The following CSMD1 variants were observed in gnomAD, a reference collection of about 807,000 sequenced individuals.
CSMD1 encodes the protein CUB and sushi domain-containing protein 1.
CSMD1 carries 213 observed loss-of-function variants against 417.5 expected under a neutral mutation model. The observed-to-expected ratio is 0.51, with a 90% CI of 0.46 to 0.57. The LOEUF (loss-of-function observed/expected upper bound fraction) is 0.57, where lower values mean the gene tolerates loss of function less well. Ranked by LOEUF, CSMD1 falls within the 20% of genes least tolerant of loss-of-function variation. The pLI is 0.00. For synonymous variants in CSMD1, 2,862 were observed against 1,736.8 expected (o/e 1.65, Z -16.11); for missense variants, 6,923 against 4,529.7 (o/e 1.53, Z -15.17).
chr8:3,790,872 G>C (rs1343963231), intron 5 of CSMD1, among the ~76,000 whole-genome samples: 1 of 152,150 alleles, frequency 6.6e-6, no homozygotes, highest in African/African-American at 2.4e-5. Context: ...TACTTTTTGA[G>C]ATGGAAACTG....
rs191265548 is a variant in CSMD1, at chr8:3,266,423, T to C, written c.4153+17721A>G. 4.0e-5 allele frequency among the ~76,000 whole-genome samples: 6 copies of C among 151,276 alleles called. No homozygotes were observed. In the East Asian group the frequency reaches 7.9e-4, roughly 20 times the overall value. ...GAGATTGAGACCAGCCTGGCTAACATGGCAAAACCCCATTTCTATGAAAAA... is the reference window on the plus strand; with the variant it reads ...GAGATTGAGACCAGCCTGGCTAACACGGCAAAACCCCATTTCTATGAAAAA... On this transcript the variant is annotated intron_variant, in intron 26 of 69. Coordinates refer to ENST00000635120, the MANE Select transcript of CSMD1 (RefSeq NM_033225.6).
At chr8:4,637,781 C>A (rs1390938072) in intron 1 of CSMD1, among the ~76,000 whole-genome samples, 1 of 151,214 alleles carries the variant, frequency 6.6e-6, no homozygotes, top group Non-Finnish European at 1.5e-5. Flanking sequence ...CGCCATTCTC[C>A]TGCCTCAGCC....
At chr8:3,407,795 C>T in intron 14 of CSMD1, 104 bp downstream of exon 14, 1 of 967,372 alleles carries the variant, frequency 1.0e-6, no homozygotes, top group Non-Finnish European at 1.5e-6. Flanking sequence ...TATAAAACCT[C>T]TGAAGTATCA....
At chr8:4,166,714 C>G (rs1294879434) in intron 3 of CSMD1, among the ~76,000 whole-genome samples, 1 of 152,054 alleles carries the variant, frequency 6.6e-6, no homozygotes, top group Non-Finnish European at 1.5e-5. Context: ...AAGAACATAT[C>G]TATGTAACCC....
chr8:4,144,164 G>C (rs184031723), intron 3 of CSMD1, among the ~76,000 whole-genome samples: 1 of 150,892 alleles, frequency 6.6e-6, no homozygotes, highest in South Asian at 2.1e-4. Context: ...TACAGCTTTG[G>C]GAAGACAGCA....
rs550197496 is a variant in CSMD1 at position 3,803,148 on chromosome 8, C to A, written c.819-49106G>T. ...TTTGAAGGACTTCATTCTAAGTACTCATGTTCTAATCATGCTGAAAGCAAT... is the reference window on the plus strand; with the variant it reads ...TTTGAAGGACTTCATTCTAAGTACTAATGTTCTAATCATGCTGAAAGCAAT... On this transcript the variant is annotated intron_variant, in intron 5 of 69. Coordinates refer to ENST00000635120, the MANE Select transcript of CSMD1 (RefSeq NM_033225.6). Among the ~76,000 whole-genome samples the A allele has an allele frequency of 3.3e-5, 5 of 152,296 alleles. No individual in the cohort carries two copies. The South Asian group carries it at 8.3e-4, about 25-fold the overall frequency.
intron 1 of CSMD1, among the ~76,000 whole-genome samples, chr8:4,819,225 C>A (rs1005927477): frequency 6.6e-6 from 1 of 152,070 alleles, no homozygotes; most frequent in Non-Finnish European, 1.5e-5. Context: ...ACAATTATTA[C>A]AATATTAACT....
At chr8:3,552,040 G>C (rs12056393) in intron 10 of CSMD1, among the ~76,000 whole-genome samples, 13,991 of 152,216 alleles carry the variant, frequency 0.092, 657 homozygotes, top group Middle Eastern at 0.15. Context: ...AAAAAATAGA[G>C]ATTTTGCAGA....
chr8:3,608,672 G>T (rs993145381), intron 8 of CSMD1, among the ~76,000 whole-genome samples: 1 of 151,070 alleles, frequency 6.6e-6, no homozygotes, highest in Non-Finnish European at 1.5e-5. Context: ...GCTGAGGCAG[G>T]AGAATTGCTT....
chr8:3,501,058 TGAAAA>T (rs1416752095), intron 10 of CSMD1, among the ~76,000 whole-genome samples: 3 of 152,116 alleles, frequency 2.0e-5, no homozygotes, highest in Non-Finnish European at 4.4e-5. Context: ...ATAAACAAAA[TGAAAA>T]GATTTCCCAA....
At chr8:4,502,721 A>G (rs1802320013) in intron 2 of CSMD1, among the ~76,000 whole-genome samples, 1 of 152,148 alleles carries the variant, frequency 6.6e-6, no homozygotes, top group South Asian at 2.1e-4. Context: ...CAGTATATTA[A>G]CAGCAGATCT....
At chr8:4,234,955 G>A (rs902906039) in intron 3 of CSMD1, among the ~76,000 whole-genome samples, 64 of 152,120 alleles carry the variant, frequency 4.2e-4, no homozygotes, top group Admixed American at 5.9e-4. Flanking sequence ...TTCTAAGGGC[G>A]GGGTGTTCAT....
At chr8:3,281,753 T>C (rs189978595) in intron 26 of CSMD1, among the ~76,000 whole-genome samples, 111 of 152,308 alleles carry the variant, frequency 7.3e-4, no homozygotes, top group African/African-American at 2.5e-3. Context: ...TTACTACAGA[T>C]GCATTTTTCC....
intron 26 of CSMD1, among the ~76,000 whole-genome samples, chr8:3,283,091 G>C (rs1802861494): frequency 6.6e-6 from 1 of 152,134 alleles, no homozygotes; most frequent in African/African-American, 2.4e-5. Flanking sequence ...ATCTTTAGGA[G>C]ATTATAGTTC....
At chr8:3,719,155 A>C (rs1802004806) in intron 6 of CSMD1, among the ~76,000 whole-genome samples, 2 of 152,140 alleles carry the variant, frequency 1.3e-5, no homozygotes, top group South Asian at 2.1e-4. Context: ...TCTTTTCTAT[A>C]CTTCGTTGCA....
intron 3 of CSMD1, among the ~76,000 whole-genome samples, chr8:4,385,816 A>T (rs1803411634): frequency 6.6e-6 from 1 of 152,154 alleles, no homozygotes; most frequent in African/African-American, 2.4e-5. Context: ...ATAGCTTAAA[A>T]ATTATTTTGT....
chr8:3,422,310 G>T (rs1305845955), intron 12 of CSMD1, among the ~76,000 whole-genome samples: 1 of 152,106 alleles, frequency 6.6e-6, no homozygotes, highest in Non-Finnish European at 1.5e-5. Flanking sequence ...CCAATAATTT[G>T]GGGTTTGTTG....
At chr8:4,922,490 T>A (rs1178012515) in intron 1 of CSMD1, among the ~76,000 whole-genome samples, 1 of 152,250 alleles carries the variant, frequency 6.6e-6, no homozygotes, top group South Asian at 2.1e-4. Flanking sequence ...GTATTCTTCC[T>A]ACCTTAAAAT....
At chr8:3,307,546 A>G in intron 25 of CSMD1, 149 bp downstream of exon 25, 1 of 878,868 alleles carries the variant, frequency 1.1e-6, no homozygotes. Flanking sequence ...TAAGCAAGTG[A>G]GCCAACAAAA....
Sources: gnomAD v4.1 joint callset for allele counts (sites outside exome capture counted in the v4.1 genomes callset) on GRCh38, gnomAD v4.1.1 for gene constraint, MANE v1.5 for transcripts, NCBI Gene and HGNC (gene_info 2026-07-23, HGNC 2026-07-21) for gene names.